Variants in GRIA4 observed in about 807,000 individuals in gnomAD.
The protein encoded by GRIA4 is glutamate ionotropic receptor AMPA type subunit 4, also known as glutamate receptor 4.
GRIA4 carries 34 observed loss-of-function variants against 104.0 expected under a neutral mutation model. That is an observed-to-expected ratio of 0.33 (90% confidence interval 0.25 to 0.44). The LOEUF (loss-of-function observed/expected upper bound fraction) is 0.44. Among genes scored for constraint, GRIA4 ranks in the 20% least tolerant of loss-of-function variants. GRIA4 has a pLI of 1.00. For missense variants in GRIA4, 750 were observed against 1,096.5 expected (o/e 0.68, Z 4.46); for synonymous variants, 386 against 381.9 (o/e 1.01, Z -0.13).
At chr11:105,958,792 C>T (rs1008045851) in intron 14 of GRIA4, among the ~76,000 whole-genome samples, 1 of 152,146 alleles carries the variant, frequency 6.6e-6, no homozygotes, top group South Asian at 2.1e-4. Context: ...GGAGCTCCTG[C>T]AACGCAGCCC....
At chr11:105,851,700 T>A (rs1944817421) in intron 4 of GRIA4, among the ~76,000 whole-genome samples, 1 of 152,112 alleles carries the variant, frequency 6.6e-6, no homozygotes, top group Non-Finnish European at 1.5e-5. Context: ...GAACCACCAA[T>A]CTTCAGTATG....
chr11:105,652,555 TC>T (rs1565436231), intron 3 of GRIA4, among the ~76,000 whole-genome samples: 1 of 152,208 alleles, frequency 6.6e-6, no homozygotes, highest in African/African-American at 2.4e-5. Flanking sequence ...AAATTGATTT[TC>T]CAGATGATGT....
intron 14 of GRIA4, among the ~76,000 whole-genome samples, chr11:105,956,299 TA>T (rs1210124239): frequency 4.0e-5 from 6 of 151,220 alleles, no homozygotes; most frequent in Admixed American, 6.6e-5. Context: ...TGATGTTCCC[TA>T]CACTGTGTCA....
intron 3 of GRIA4, among the ~76,000 whole-genome samples, chr11:105,726,381 A>T (rs1938208621): frequency 6.6e-6 from 1 of 152,304 alleles, no homozygotes; most frequent in Middle Eastern, 3.4e-3. Context: ...AAAGAAAGGC[A>T]GAAGCCCCAG....
chr11:105,697,643 A>G (rs11226827), intron 3 of GRIA4, among the ~76,000 whole-genome samples: 73,386 of 152,042 alleles, frequency 0.48, 18,342 homozygotes, highest in Admixed American at 0.59. Context: ...GCTCCTTCAT[A>G]CATCCACTCA....
chr11:105,702,075 C>T (rs926479588), intron 3 of GRIA4, among the ~76,000 whole-genome samples: 1 of 152,018 alleles, frequency 6.6e-6, no homozygotes, highest in Non-Finnish European at 1.5e-5. Context: ...GCTGTGAATA[C>T]AGGTGCTGCA....
chr11:105,873,541 A>G lies in GRIA4; in HGVS notation c.672+11333A>G, dbSNP rs543121458. Among the ~76,000 whole-genome samples, 3 of 152,222 alleles carry G rather than the reference A, an allele frequency of 2.0e-5. No individual in the cohort carries two copies. The East Asian group carries it at 5.8e-4, about 29-fold the overall frequency. On this transcript the variant is annotated intron_variant, in intron 5 of 16. Coordinates refer to ENST00000282499, the MANE Select transcript of GRIA4 (RefSeq NM_000829.4). ...GTTGAACTAATTTACACTCCCTCCA[A>G]CAGTGTAAAATTGTTTCCATTTCTC...
At chr11:105,866,751 A>G (rs1945435637) in intron 5 of GRIA4, among the ~76,000 whole-genome samples, 2 of 151,832 alleles carry the variant, frequency 1.3e-5, no homozygotes, top group Non-Finnish European at 2.9e-5. Context: ...AGAAAGTGAT[A>G]AAGGATCTTA....
chr11:105,772,301 G>A (rs907127658), intron 4 of GRIA4, among the ~76,000 whole-genome samples: 12 of 152,122 alleles, frequency 7.9e-5, no homozygotes, highest in African/African-American at 9.7e-5. Flanking sequence ...TAGAAATGTC[G>A]TGACATTACA....
chr11:105,834,800 G>C (rs1944115789), intron 4 of GRIA4, among the ~76,000 whole-genome samples: 1 of 148,952 alleles, frequency 6.7e-6, no homozygotes, highest in African/African-American at 2.5e-5. Context: ...TCTAGGCCTA[G>C]AGCATGCCTG....
intron 15 of GRIA4, among the ~76,000 whole-genome samples, chr11:105,973,560 T>C (rs370388824): frequency 6.6e-6 from 1 of 152,000 alleles, no homozygotes; most frequent in East Asian, 1.9e-4. Flanking sequence ...ATAAAAATAA[T>C]TATAGATTCA....
intron 4 of GRIA4, among the ~76,000 whole-genome samples, chr11:105,807,853 T>C (rs1943013987): frequency 6.6e-6 from 1 of 151,926 alleles, no homozygotes; most frequent in African/African-American, 2.4e-5. Context: ...GTCTGCCCTT[T>C]GCTTACTTCC....
chr11:105,865,786 G>A (rs559506355), intron 5 of GRIA4, among the ~76,000 whole-genome samples: 8 of 152,248 alleles, frequency 5.3e-5, no homozygotes, highest in African/African-American at 1.9e-4. Flanking sequence ...GTTTAACCTA[G>A]TAGCAAAAAA....
chr11:105,714,902 A>C (rs1954039586), intron 3 of GRIA4, among the ~76,000 whole-genome samples: 1 of 152,028 alleles, frequency 6.6e-6, no homozygotes, highest in African/African-American at 2.4e-5. Flanking sequence ...TAGGTTCACT[A>C]ATGTCCACAA....
chr11:105,973,999 T>C (rs992524290), intron 15 of GRIA4, among the ~76,000 whole-genome samples: 1 of 152,200 alleles, frequency 6.6e-6, no homozygotes, highest in Non-Finnish European at 1.5e-5. Flanking sequence ...TGCCACTCTA[T>C]GTAAATATAT....
chr11:105,948,046 A>C (rs1948361547), intron 14 of GRIA4, among the ~76,000 whole-genome samples: 1 of 152,216 alleles, frequency 6.6e-6, no homozygotes, highest in South Asian at 2.1e-4. Flanking sequence ...ATGTATCTGA[A>C]CTTTGAATAA....
At position 105,974,620 on chromosome 11, in the gene GRIA4, T is replaced by A. The variant is rs1439044477; in HGVS notation, c.2544+176T>A. 1.1e-5 allele frequency: 16 copies of A among 1,511,280 alleles called. No homozygotes were observed. In the East Asian group the frequency reaches 3.6e-4, roughly 34 times the overall value. 93.6% of individuals were successfully genotyped at this position (1,511,280 alleles called of 1,614,324 possible). A position where few individuals can be genotyped will look rare whatever the true frequency, so the allele number is the denominator to read the frequency against. ...ATCCTGTGAACGCAGTGTTGTGACC[T>A]GTCTGTCCAGTGGTGGTATTGCTTG... is the stretch of plus-strand genomic sequence containing the variant. On this transcript the variant is annotated intron_variant, in intron 16 of 16. Transcript: ENST00000282499.
chr11:105,943,046 A>G (rs1487617679), intron 14 of GRIA4, among the ~76,000 whole-genome samples: 1 of 152,120 alleles, frequency 6.6e-6, no homozygotes. Context: ...TCTTTAGGAA[A>G]ACAACAAAAT....
intron 10 of GRIA4, among the ~76,000 whole-genome samples, chr11:105,917,193 A>C (rs959633426): frequency 6.6e-6 from 1 of 152,152 alleles, no homozygotes; most frequent in African/African-American, 2.4e-5. Flanking sequence ...GTGTGGAAGA[A>C]CTTTTTACCT....
Sources: allele counts gnomAD v4.1 joint callset (sites outside exome capture counted in the v4.1 genomes callset), GRCh38; gene constraint gnomAD v4.1.1; transcripts MANE v1.5; gene names NCBI Gene and HGNC (gene_info 2026-07-23, HGNC 2026-07-21).